The following COMMD1 variants were observed in gnomAD, a reference collection of about 807,000 sequenced individuals.
COMMD1 encodes COMM domain-containing protein 1.
A neutral mutation model predicts 17.2 loss-of-function variants in COMMD1; 10 were observed. That is an observed-to-expected ratio of 0.58 (90% CI 0.36 to 0.99). The LOEUF is 0.99. Ranked by LOEUF, COMMD1 falls within the 50% of genes least tolerant of loss-of-function variation. The pLI is 0.01. For missense variants in COMMD1, 270 were observed against 231.8 expected (o/e 1.17, Z -1.07); for synonymous variants, 97 against 91.6 (o/e 1.06, Z -0.34).
chr2:62,096,608 G>C (rs1672016928), intron 2 of COMMD1, among the ~76,000 whole-genome samples: 1 of 152,144 alleles, frequency 6.6e-6, no homozygotes, highest in African/African-American at 2.4e-5. Context: ...GAGTAGTTTG[G>C]AATCCAACTC....
At chr2:61,934,592 C>G (rs1279698744) in intron 1 of COMMD1, among the ~76,000 whole-genome samples, 1 of 151,854 alleles carries the variant, frequency 6.6e-6, no homozygotes, top group East Asian at 1.9e-4. Flanking sequence ...TTAACAAGTT[C>G]AAGTTATAGA....
intron 2 of COMMD1, among the ~76,000 whole-genome samples, chr2:62,022,370 A>AT (rs1436697153): frequency 1.4e-5 from 2 of 143,258 alleles, no homozygotes; most frequent in East Asian, 4.1e-4. Flanking sequence ...TTGAATTTTG[A>AT]TTATAAAGAA....
At chr2:61,914,794 G>T (rs545224035) in intron 1 of COMMD1, among the ~76,000 whole-genome samples, 4 of 150,852 alleles carry the variant, frequency 2.7e-5, no homozygotes, top group Admixed American at 1.3e-4. Context: ...GGGTTCAAGC[G>T]ATTCTCGTGT....
At chr2:61,888,709 G>T, upstream of COMMD1, 1 of 586,820 alleles carries the variant, frequency 1.7e-6, no homozygotes, top group South Asian at 2.2e-5. Context: ...TGTCCGCTGC[G>T]CGCCGGGCGA....
intron 2 of COMMD1, among the ~76,000 whole-genome samples, chr2:62,033,038 G>A (rs1669951001): frequency 6.6e-6 from 1 of 152,108 alleles, no homozygotes; most frequent in Admixed American, 6.5e-5. Flanking sequence ...CCAAAGTGCT[G>A]GGATTACAGG....
intron 2 of COMMD1, among the ~76,000 whole-genome samples, chr2:62,002,561 C>G (rs2103809257): frequency 6.9e-6 from 1 of 145,824 alleles, no homozygotes; most frequent in South Asian, 2.2e-4. Flanking sequence ...GGCGCAGTGG[C>G]TCATCTCTGT....
chr2:61,910,888 A>T (rs1260089596), intron 1 of COMMD1, among the ~76,000 whole-genome samples: 2 of 151,456 alleles, frequency 1.3e-5, no homozygotes, highest in Admixed American at 1.3e-4. Context: ...GTTCAAGATC[A>T]GCCTGACCAA....
intron 1 of COMMD1, among the ~76,000 whole-genome samples, chr2:61,979,572 A>T (rs755915713): frequency 6.6e-6 from 1 of 152,144 alleles, no homozygotes; most frequent in Non-Finnish European, 1.5e-5. Flanking sequence ...TCGAAGAGAT[A>T]TCTGCACTCC....
intron 1 of COMMD1, among the ~76,000 whole-genome samples, chr2:61,988,968 C>T (rs1672175019): frequency 6.6e-6 from 1 of 152,196 alleles, no homozygotes; most frequent in Non-Finnish European, 1.5e-5. Context: ...CACTCTCCCT[C>T]TCCCAAACAC....
At chr2:61,995,939 G>T (rs552171710) in intron 1 of COMMD1, among the ~76,000 whole-genome samples, 2 of 152,278 alleles carry the variant, frequency 1.3e-5, no homozygotes, top group East Asian at 3.9e-4. Context: ...GCAATTAAGC[G>T]AGTCACATGA....
intron 2 of COMMD1, among the ~76,000 whole-genome samples, chr2:62,126,876 C>T (rs6545923): frequency 0.12 from 17,727 of 152,106 alleles, 1,343 homozygotes; most frequent in Non-Finnish European, 0.17. Flanking sequence ...AAGTTCTGGC[C>T]AGGGCAAGCA....
chr2:62,058,285 C>T (rs1670765836), intron 2 of COMMD1, among the ~76,000 whole-genome samples: 1 of 152,084 alleles, frequency 6.6e-6, no homozygotes, highest in African/African-American at 2.4e-5. Flanking sequence ...CTTTTTTCAT[C>T]TATTTATTAT....
intron 2 of COMMD1, among the ~76,000 whole-genome samples, chr2:62,007,804 A>C (rs956915953): frequency 6.6e-6 from 1 of 152,204 alleles, no homozygotes; most frequent in African/African-American, 2.4e-5. Context: ...CTCATCGTTA[A>C]GCTATGCATA....
chr2:61,939,164 A>G (rs1670673220), intron 1 of COMMD1, among the ~76,000 whole-genome samples: 1 of 151,996 alleles, frequency 6.6e-6, no homozygotes, highest in Non-Finnish European at 1.5e-5. Flanking sequence ...GCAAGAATTG[A>G]TTGGCTTGGC....
At chr2:61,906,686 A>G (rs1669781147) in intron 1 of COMMD1, among the ~76,000 whole-genome samples, 1 of 152,116 alleles carries the variant, frequency 6.6e-6, no homozygotes, top group African/African-American at 2.4e-5. Flanking sequence ...TGACTTTTAT[A>G]GGTCTCCTAT....
intron 1 of COMMD1, among the ~76,000 whole-genome samples, chr2:61,924,662 T>C (rs916801804): frequency 6.6e-6 from 1 of 152,176 alleles, no homozygotes; most frequent in African/African-American, 2.4e-5. Context: ...CTCAGACCAT[T>C]TCCTATTGCG....
At chr2:62,023,487 AT>A (rs113607912) in intron 2 of COMMD1, among the ~76,000 whole-genome samples, 6,971 of 145,914 alleles carry the variant, frequency 0.048, 323 homozygotes, top group African/African-American at 0.12. Flanking sequence ...TTTACTGTGG[AT>A]TTTTTTTTTT....
intron 1 of COMMD1, among the ~76,000 whole-genome samples, chr2:61,942,687 A>G (rs541726716): frequency 1.1e-3 from 171 of 151,536 alleles, no homozygotes; most frequent in Non-Finnish European, 2.1e-3. Flanking sequence ...TTACAGGCAC[A>G]CATCATCACG....
At chr2:62,028,019 A>C (rs1669812809) in intron 2 of COMMD1, among the ~76,000 whole-genome samples, 1 of 152,150 alleles carries the variant, frequency 6.6e-6, no homozygotes, top group Admixed American at 6.5e-5. Context: ...TTTATAGTCC[A>C]TGTTAGCCTG....
Sources: allele counts gnomAD v4.1 joint callset (sites outside exome capture counted in the v4.1 genomes callset), GRCh38; gene constraint gnomAD v4.1.1; transcripts MANE v1.5; gene names NCBI Gene and HGNC (gene_info 2026-07-23, HGNC 2026-07-21).